Variants in ATP8B4 observed in about 807,000 individuals in gnomAD.
The protein encoded by ATP8B4 is ATPase phospholipid transporting 8B4 (putative).
ATP8B4 carries 133 observed loss-of-function variants against 145.6 expected under a neutral mutation model. The observed-to-expected ratio is 0.91, with a 90% CI of 0.79 to 1.05. The LOEUF is 1.05. Ranked by LOEUF, ATP8B4 falls within the 50% of genes least tolerant of loss-of-function variation. The probability of loss-of-function intolerance (pLI) is 0.00; values close to 1 mark genes in which losing one functional copy is unlikely to be tolerated. For missense variants in ATP8B4, 1,458 were observed against 1,425.2 expected (o/e 1.02, Z -0.37); for synonymous variants, 507 against 492.9 (o/e 1.03, Z -0.38).
intron 13 of ATP8B4, among the ~76,000 whole-genome samples, chr15:49,971,627 T>C (rs775859349): frequency 1.3e-5 from 2 of 152,134 alleles, no homozygotes; most frequent in Non-Finnish European, 2.9e-5. Flanking sequence ...AAAAAACACA[T>C]GCTGGAGAGG....
intron 16 of ATP8B4, among the ~76,000 whole-genome samples, chr15:49,924,141 T>C (rs1599168990): frequency 6.6e-6 from 1 of 152,168 alleles, no homozygotes; most frequent in African/African-American, 2.4e-5. Flanking sequence ...GTTTTTAACC[T>C]GCCCCACAGG....
intron 9 of ATP8B4, among the ~76,000 whole-genome samples, chr15:49,991,311 G>A (rs2047028381): frequency 6.6e-6 from 1 of 152,154 alleles, no homozygotes; most frequent in African/African-American, 2.4e-5. Flanking sequence ...CCTCGGTTCA[G>A]AATTCAGCAT....
rs558022707 is a variant in ATP8B4, at chr15:50,149,527, C to T, written c.-43+32734G>A. On this transcript the variant is annotated intron_variant, in intron 1 of 3. Coordinates refer to the ATP8B4 transcript ENST00000558829. ...AGTCCACTGAGGTGGTAGGAAACAA[C>T]TGCAGAGAGGAGCTCTTTAGAGAAA... Among the ~76,000 whole-genome samples the T allele has an allele frequency of 3.3e-5, 5 of 152,176 alleles. No homozygotes were observed. The East Asian group carries it at 9.7e-4, about 29-fold the overall frequency.
chr15:49,871,905 G>A (rs567823472), intron 25 of ATP8B4, among the ~76,000 whole-genome samples: 2 of 152,264 alleles, frequency 1.3e-5, no homozygotes, highest in African/African-American at 2.4e-5. Flanking sequence ...CTGGGAGTGA[G>A]GGCAGGGAGA....
intron 19 of ATP8B4, 100 bp from the exon 20 acceptor site, chr15:49,917,139 C>T: frequency 9.2e-7 from 1 of 1,082,932 alleles, no homozygotes; most frequent in South Asian, 1.4e-5. Flanking sequence ...TTCTTAAAGC[C>T]TACAGGGGGC....
intron 2 of ATP8B4, among the ~76,000 whole-genome samples, chr15:50,097,617 A>G (rs1329971513): frequency 2.6e-5 from 4 of 152,122 alleles, no homozygotes; most frequent in Non-Finnish European, 5.9e-5. Context: ...TAAGTAAACA[A>G]CCCTTTTGAA....
intron 7 of ATP8B4, chr15:50,009,761 C>A: frequency 2.3e-6 from 1 of 443,874 alleles, no homozygotes; most frequent in Non-Finnish European, 4.5e-6. Flanking sequence ...GCAAACTGTT[C>A]TACTTATAAG....
At chr15:49,929,631 G>A (rs189906012) in intron 16 of ATP8B4, among the ~76,000 whole-genome samples, 1 of 152,120 alleles carries the variant, frequency 6.6e-6, no homozygotes, top group Admixed American at 6.6e-5. Context: ...GAACACAGGA[G>A]CTAAAAAGAG....
At position 49,861,448 on chromosome 15, in the gene ATP8B4, G is replaced by GTCTA. The variant is rs1566884276; in HGVS notation, c.3297+796_3297+797insTAGA. On this transcript the variant is annotated intron_variant, in intron 27 of 27. Transcript: ENST00000284509. ...TGTCTGTCTGTCTGTCTGTCTGTCT[G>GTCTA]TCTGTCTATCTATCTATCTATCTAT... Among the ~76,000 whole-genome samples the GTCTA allele has an allele frequency of 7.0e-4, 100 of 142,442 alleles. 2 individuals carry two copies. The highest frequency in any genetic ancestry group is 2.5e-3 in the African/African-American group (94 of 38,304). The allele number at this position is 142,442 out of a possible 152,430, so 93.4% of individuals were successfully genotyped here.
chr15:49,884,000 T>G (rs959129086), intron 23 of ATP8B4, among the ~76,000 whole-genome samples: 2 of 152,230 alleles, frequency 1.3e-5, no homozygotes, highest in African/African-American at 4.8e-5. Flanking sequence ...TCTATTATGT[T>G]AACTAGTTTT....
chr15:50,172,159 G>A (rs956146781), intron 1 of ATP8B4, among the ~76,000 whole-genome samples: 5 of 152,006 alleles, frequency 3.3e-5, no homozygotes, highest in African/African-American at 7.2e-5. Context: ...TCCCACTCCC[G>A]CTCCCTCTTT....
chr15:50,119,312 A>T (rs190241757), upstream of ATP8B4: 15 of 152,436 alleles, frequency 9.8e-5, no homozygotes, highest in East Asian at 2.5e-3. Flanking sequence ...ACTCCTGGAA[A>T]AACACTCTTG....
intron 2 of ATP8B4, among the ~76,000 whole-genome samples, chr15:50,093,400 A>G (rs2055740256): frequency 6.6e-6 from 1 of 152,090 alleles, no homozygotes; most frequent in South Asian, 2.1e-4. Flanking sequence ...AATTTGATTA[A>G]AAGAGTTAAA....
At chr15:50,076,901 C>A (rs2054213075) in intron 2 of ATP8B4, among the ~76,000 whole-genome samples, 1 of 152,170 alleles carries the variant, frequency 6.6e-6, no homozygotes, top group South Asian at 2.1e-4. Flanking sequence ...CAGGAATTAA[C>A]TTTCTTCTCT....
chr15:49,976,922 G>A (rs2045717232), intron 12 of ATP8B4, among the ~76,000 whole-genome samples: 1 of 152,068 alleles, frequency 6.6e-6, no homozygotes, highest in Non-Finnish European at 1.5e-5. Context: ...GGCAAAACAA[G>A]CAACATAGAA....
intron 2 of ATP8B4, among the ~76,000 whole-genome samples, chr15:50,078,514 T>C (rs570687682): frequency 1.3e-5 from 2 of 150,380 alleles, no homozygotes; most frequent in African/African-American, 4.9e-5. Flanking sequence ...TCTCACAAAA[T>C]ATATATCAAA....
chr15:50,062,113 G>A (rs2414009), intron 3 of ATP8B4, among the ~76,000 whole-genome samples: 133,838 of 152,168 alleles, frequency 0.88, 59,174 homozygotes, highest in East Asian at 0.99. Flanking sequence ...TACTCAATAC[G>A]TGTGATATAG....
chr15:50,119,270 C>T (rs1477916764), upstream of ATP8B4: 1 of 152,230 alleles, frequency 6.6e-6, no homozygotes, highest in African/African-American at 2.4e-5. Context: ...CAAACTGGGT[C>T]TCTAGGGGGC....
chr15:49,935,817 A>C (rs1263235106), intron 14 of ATP8B4, among the ~76,000 whole-genome samples: 1 of 152,168 alleles, frequency 6.6e-6, no homozygotes, highest in Non-Finnish European at 1.5e-5. Flanking sequence ...TTCTTTTTCC[A>C]AAAATATAGG....
Sources: allele counts gnomAD v4.1 joint callset (sites outside exome capture counted in the v4.1 genomes callset), GRCh38; gene constraint gnomAD v4.1.1; transcripts MANE v1.5; gene names NCBI Gene and HGNC (gene_info 2026-07-23, HGNC 2026-07-21).